Variants in TOM1 observed in about 807,000 individuals in gnomAD.
The protein encoded by TOM1 is target of myb1 membrane trafficking protein.
TOM1 carries 38 observed loss-of-function variants against 61.3 expected under a neutral mutation model. The observed-to-expected ratio is 0.62, with a 90% CI of 0.48 to 0.81. The LOEUF (loss-of-function observed/expected upper bound fraction) is 0.81. Ranked by LOEUF, TOM1 falls within the 40% of genes least tolerant of loss-of-function variation. The probability of loss-of-function intolerance (pLI) is 0.00; values close to 1 mark genes in which losing one functional copy is unlikely to be tolerated. For missense variants in TOM1, 591 were observed against 659.6 expected (o/e 0.90, Z 1.14); for synonymous variants, 270 against 268.8 (o/e 1.00, Z -0.04).
chr22:35,303,504 C>CTTT (rs528560916), intron 1 of TOM1, among the ~76,000 whole-genome samples: 7 of 131,608 alleles, frequency 5.3e-5, no homozygotes, highest in African/African-American at 8.5e-5. Context: ...TTTATTATTT[C>CTTT]TTTTTTTTTT....
At chr22:35,300,708 C>T (rs1037391922) in intron 1 of TOM1, among the ~76,000 whole-genome samples, 2 of 152,210 alleles carry the variant, frequency 1.3e-5, no homozygotes, top group African/African-American at 4.8e-5. Flanking sequence ...TCTGCTGGTC[C>T]GTGGTTCTCT....
chr22:35,321,643 C>T, intron 2 of TOM1: 2 of 467,504 alleles, frequency 4.3e-6, no homozygotes, highest in Non-Finnish European at 8.7e-6. Context: ...AAGTGATCCA[C>T]CTGCCTCAGC....
At chr22:35,317,358 T>G (rs571647853) in intron 1 of TOM1, among the ~76,000 whole-genome samples, 3 of 152,162 alleles carry the variant, frequency 2.0e-5, no homozygotes, top group Admixed American at 6.5e-5. Context: ...CCCAGCTACT[T>G]TTTTGTAGTT....
At chr22:35,312,033 T>C (rs1002661162) in intron 1 of TOM1, among the ~76,000 whole-genome samples, 1 of 151,842 alleles carries the variant, frequency 6.6e-6, no homozygotes, top group African/African-American at 2.4e-5. Flanking sequence ...GGCGGGTGGA[T>C]CACAAGGTCA....
intron 13 of TOM1, among the ~76,000 whole-genome samples, 184 bp downstream of exon 13, chr22:35,345,968 C>G (rs902087464): frequency 2.0e-5 from 3 of 152,220 alleles, no homozygotes; most frequent in South Asian, 2.1e-4. Flanking sequence ...CAGAGAAGTC[C>G]TGGGCACAGT....
chr22:35,320,508 T>G (rs1323746085), intron 2 of TOM1, among the ~76,000 whole-genome samples: 1 of 152,046 alleles, frequency 6.6e-6, no homozygotes, highest in Non-Finnish European at 1.5e-5. Flanking sequence ...TGGCCTCCTC[T>G]TAGTTCCTCC....
At chr22:35,319,135 A>C (rs973894068) in intron 2 of TOM1, among the ~76,000 whole-genome samples, 1 of 152,200 alleles carries the variant, frequency 6.6e-6, no homozygotes, top group Non-Finnish European at 1.5e-5. Flanking sequence ...CAGAAGAAAG[A>C]AAGCAGGAGG....
chr22:35,301,740 C>G (rs1326182893), intron 1 of TOM1, among the ~76,000 whole-genome samples: 1 of 152,112 alleles, frequency 6.6e-6, no homozygotes, highest in East Asian at 1.9e-4. Flanking sequence ...GGTGGCAGTC[C>G]AGGATTTACA....
intron 7 of TOM1, among the ~76,000 whole-genome samples, chr22:35,329,288 C>T (rs899609629): frequency 2.0e-5 from 3 of 152,178 alleles, no homozygotes; most frequent in Non-Finnish European, 4.4e-5. Context: ...TTAAATATGA[C>T]ACCTAGTGGT....
chr22:35,313,904 C>T (rs1402403880), intron 1 of TOM1, among the ~76,000 whole-genome samples: 2 of 152,226 alleles, frequency 1.3e-5, no homozygotes, highest in African/African-American at 2.4e-5. Flanking sequence ...AGCTGCTACC[C>T]GGAGGCCCTT....
At chr22:35,333,106 G>A (rs755709838) in intron 9 of TOM1, 92 bp downstream of exon 9, 57 of 1,377,382 alleles carry the variant, frequency 4.1e-5, no homozygotes, top group Admixed American at 6.7e-5. Flanking sequence ...AACTGGACAG[G>A]GTGGTGCTGT....
upstream of TOM1, chr22:35,299,688 C>G: frequency 1.8e-6 from 1 of 562,690 alleles, no homozygotes; most frequent in East Asian, 3.2e-5. Flanking sequence ...GGGCCCCGAC[C>G]CCAGACCCTA....
In TOM1 at chr22:35,323,291, G is replaced by C; in HGVS notation, c.366+114G>C. 1 of 1,469,294 alleles carries C rather than the reference G, an allele frequency of 6.8e-7. No individual in the cohort carries two copies. Among genetic ancestry groups the C allele is most frequent in the Non-Finnish European group, 9.2e-7 (1 of 1,084,840 alleles). The allele number at this position is 1,469,294 out of a possible 1,614,324, so 91.0% of individuals were successfully genotyped here. Reference sequence around the variant, plus strand: ...TGTCCCAGGCTCCGCTTCTCATTTCGGGGCGTCTCGGTTGTCGGCTGGTGG... The same window carrying C: ...TGTCCCAGGCTCCGCTTCTCATTTCCGGGCGTCTCGGTTGTCGGCTGGTGG... On this transcript the variant is annotated intron_variant, in intron 4 of 14. Transcript: ENST00000449058. This position sits in a 1 kb window ranked among gnomAD's most constrained non-coding sequence, Gnocchi z 4.2.
At chr22:35,300,007 C>T in intron 1 of TOM1, 27 bp downstream of exon 1, 3 of 1,556,294 alleles carry the variant, frequency 1.9e-6, no homozygotes, top group Non-Finnish European at 2.6e-6. Context: ...CCCCACAGCT[C>T]CGCCCCGGTG....
At position 35,323,704 on chromosome 22, in the gene TOM1, C is replaced by T; in HGVS notation, c.502-64C>T. 6.2e-7 allele frequency: 1 copy of T among 1,606,772 alleles called. No homozygotes were observed. Among genetic ancestry groups the T allele is most frequent in the South Asian group, 1.1e-5 (1 of 90,626 alleles). On this transcript the variant is annotated intron_variant, in intron 5 of 14. Coordinates refer to ENST00000449058, the MANE Select transcript of TOM1 (RefSeq NM_005488.3). The surrounding 1 kb of genome is among the most constrained non-coding windows in gnomAD (Gnocchi z 4.2). ...TCCCCAGAGACATCACCAGGCTGGC[C>T]CCTGACTTCCTGGGCTCTTGATGTT... is the stretch of plus-strand genomic sequence containing the variant.
intron 12 of TOM1, among the ~76,000 whole-genome samples, chr22:35,339,790 G>C (rs1929718839): frequency 1.3e-5 from 2 of 151,672 alleles, no homozygotes; most frequent in Non-Finnish European, 2.9e-5. Flanking sequence ...TGTAGTCCCA[G>C]CTACTTGGGA....
At chr22:35,343,047 A>G (rs1230013727) in intron 12 of TOM1, among the ~76,000 whole-genome samples, 13 of 112,048 alleles carry the variant, frequency 1.2e-4, no homozygotes, top group African/African-American at 3.9e-4. Context: ...CACACACCAC[A>G]CCTCCACTCA....
At chr22:35,316,257 C>G (rs1222085005) in intron 1 of TOM1, among the ~76,000 whole-genome samples, 2 of 152,274 alleles carry the variant, frequency 1.3e-5, no homozygotes, top group Admixed American at 6.5e-5. Flanking sequence ...GGAGCAAAGC[C>G]TGTCTTATCA....
intron 2 of TOM1, chr22:35,321,674 C>T: frequency 2.0e-6 from 1 of 509,724 alleles, no homozygotes; most frequent in Non-Finnish European, 3.9e-6. Context: ...CCTGGGATTA[C>T]AGGCATGAGC....
Sources: allele counts gnomAD v4.1 joint callset (sites outside exome capture counted in the v4.1 genomes callset), GRCh38; gene constraint gnomAD v4.1.1; non-coding constraint Gnocchi (gnomAD v3.1); transcripts MANE v1.5; gene names NCBI Gene and HGNC (gene_info 2026-07-23, HGNC 2026-07-21).